SPPL2B: variants seen among roughly 807,000 people sequenced by gnomAD.
The protein encoded by SPPL2B is signal peptide peptidase-like 2B.
SPPL2B carries 39 observed loss-of-function variants against 59.7 expected under a neutral mutation model. The ratio of observed to expected loss-of-function variants is 0.65; its 90% CI spans 0.51 to 0.85. The LOEUF is 0.85. SPPL2B is among the 40% of genes least tolerant of loss of function. The pLI is 0.00. For missense variants in SPPL2B, 865 were observed against 849.0 expected (o/e 1.02, Z -0.23); for synonymous variants, 419 against 370.8 (o/e 1.13, Z -1.49).
At chr19:2,344,141 G>T in intron 10 of SPPL2B, 102 bp downstream of exon 10, 6 of 445,234 alleles carry the variant, frequency 1.3e-5, no homozygotes, top group South Asian at 1.1e-4. Context: ...CCCTCGTCCC[G>T]CCCCCTCGTC....
chr19:2,352,414 C>T (rs891924155), intron 14 of SPPL2B, among the ~76,000 whole-genome samples: 11 of 152,324 alleles, frequency 7.2e-5, no homozygotes, highest in East Asian at 3.9e-4. Context: ...CGGTGCTGGC[C>T]GCGCATGGGG....
intron 14 of SPPL2B, among the ~76,000 whole-genome samples, chr19:2,352,680 C>A (rs888625015): frequency 6.6e-6 from 1 of 152,038 alleles, no homozygotes; most frequent in African/African-American, 2.4e-5. Context: ...AGACGGTAGT[C>A]CAGGCTTTTC....
Position 2,345,311 on chromosome 19 carries a change from C to T in SPPL2B, c.1335C>T (p.Tyr445=). The T allele has an allele frequency of 6.2e-7, 1 of 1,613,194 alleles. No homozygotes were observed. The highest frequency in any genetic ancestry group is 8.5e-7 in the Non-Finnish European group (1 of 1,179,748). ...TCCAGGTACAGTCCTCCAGGGTATA[C>T]TTCGTGGCCTGCACCATCGGTAAGT... The part of the protein sequence containing the change: ...FDIQVQSSRV[Y]FVACTIAYGV... Residue 445 remains tyrosine, a synonymous_variant, in exon 13 of 15, where the codon TAC becomes TAT. Transcript: ENST00000613503.
chr19:2,353,369 C>T lies in SPPL2B; in HGVS notation c.*160C>T, dbSNP rs937988544. The T allele has an allele frequency of 3.0e-5, 28 of 926,986 alleles. No individual in the cohort carries two copies. The highest frequency in any genetic ancestry group is 4.4e-5 in the Non-Finnish European group (28 of 640,022). The allele number at this position is 926,986 out of a possible 1,614,324, so 57.4% of individuals were successfully genotyped here. ...GTGCTCATCCTTGCCGAGACCCCTG[C>T]GGTCTGTGCCCGCGCCCAGCCCAGC... is the stretch of plus-strand genomic sequence containing the variant. On this transcript the variant is annotated 3_prime_UTR_variant, in exon 15 of 15. Coordinates refer to ENST00000613503, the MANE Select transcript of SPPL2B (RefSeq NM_152988.3).
intron 1 of SPPL2B, among the ~76,000 whole-genome samples, chr19:2,329,071 G>A (rs1436847004): frequency 6.6e-6 from 1 of 152,202 alleles, no homozygotes; most frequent in Non-Finnish European, 1.5e-5. Context: ...TCTCCGTTTC[G>A]GGGTCTCCAG....
intron 8 of SPPL2B, chr19:2,341,541 G>A (rs139751839): frequency 6.4e-5 from 29 of 449,962 alleles, no homozygotes; most frequent in South Asian, 2.3e-4. Flanking sequence ...CCATGAGGCC[G>A]AGTGCCTGGT....
intron 14 of SPPL2B, 49 bp from the exon 15 acceptor site, chr19:2,352,897 T>C (rs1378191048): frequency 6.2e-7 from 1 of 1,602,790 alleles, no homozygotes; most frequent in African/African-American, 1.3e-5. Flanking sequence ...GCCAGGGTCC[T>C]CCTCTGGGTC....
Position 2,343,262 on chromosome 19 carries a change from G to A in SPPL2B, c.1008G>A (p.Met336Ile). 1 of 1,555,888 alleles carries A rather than the reference G, an allele frequency of 6.4e-7. No homozygotes were observed. ...DALGIAFCLY[M>I]LKTIRLPTFK... ...TGGGCATCGCCTTCTGCCTCTACAT[G>A]CTGAAGACCATCCGTCTGCCCACCT... Residue 336 changes from methionine to isoleucine, a missense_variant, in exon 9 of 15, where the codon ATG (methionine) becomes ATA (isoleucine). Transcript: ENST00000613503.
At chr19:2,339,016 C>T (rs1968836889) in intron 4 of SPPL2B, 53 bp from the exon 5 acceptor site, 1 of 1,531,910 alleles carries the variant, frequency 6.5e-7, no homozygotes, top group East Asian at 2.5e-5. Flanking sequence ...GCACGTCGAC[C>T]CATGGCTGGC....
intron 8 of SPPL2B, chr19:2,341,573 T>G: frequency 2.2e-6 from 1 of 455,636 alleles, no homozygotes; most frequent in Non-Finnish European, 4.4e-6. Flanking sequence ...AGGACAGAGC[T>G]GGCCCGTCCC....
chr19:2,349,559 TTC>T (rs757536045), intron 13 of SPPL2B, among the ~76,000 whole-genome samples: 3 of 1,680 alleles, frequency 1.8e-3, no homozygotes, highest in South Asian at 0.062. Flanking sequence ...CCTGATTCCG[TTC>T]TCTCTCTCCA....
In SPPL2B at chr19:2,328,741, G is replaced by A; in HGVS notation, c.32G>A (p.Arg11Gln). The change falls in exon 1 of 15, where the codon CGG becomes CAG. Residue 11 changes from arginine (R) to glutamine (Q), a missense_variant. Coordinates refer to ENST00000613503, the MANE Select transcript of SPPL2B (RefSeq NM_152988.3). ...GCAGCGGTGGCGGCTGCGCTGGCGC[G>A]GCTTTTGGCGGCCTTTCTGCTCCTC... MAAAVAAALA[R>Q]LLAAFLLLAA... 1 of 1,462,346 alleles carries A rather than the reference G, an allele frequency of 6.8e-7. No individual in the cohort carries two copies. The highest frequency in any genetic ancestry group is 9.0e-7 in the Non-Finnish European group (1 of 1,115,530). The allele number at this position is 1,462,346 out of a possible 1,614,324, so 90.6% of individuals were successfully genotyped here. A position where few individuals can be genotyped will look rare whatever the true frequency, so the allele number is the denominator to read the frequency against.
intron 13 of SPPL2B, among the ~76,000 whole-genome samples, chr19:2,348,835 T>G: frequency 7.5e-6 from 1 of 134,212 alleles, no homozygotes; most frequent in Non-Finnish European, 1.5e-5. Flanking sequence ...CTTGATTCCA[T>G]TCTCTCCCTC....
chr19:2,337,310 G>A (rs986887587), intron 2 of SPPL2B, 133 bp from the exon 3 acceptor site: 1 of 819,968 alleles, frequency 1.2e-6, no homozygotes, highest in Admixed American at 3.0e-5. Context: ...TGCCTAGGTG[G>A]GCCGAGGCCG....
chr19:2,328,810 C>T, intron 1 of SPPL2B, 35 bp downstream of exon 1: 1 of 1,346,726 alleles, frequency 7.4e-7, no homozygotes, highest in Non-Finnish European at 9.5e-7. Flanking sequence ...GCACCGCGGG[C>T]TGCGGCCCTT....
intron 2 of SPPL2B, 66 bp from the exon 3 acceptor site, chr19:2,337,377 A>C: frequency 6.9e-7 from 1 of 1,444,512 alleles, no homozygotes; most frequent in Non-Finnish European, 9.4e-7. Context: ...AGGTGGGAGA[A>C]CGGGCAGCTG....
In SPPL2B at chr19:2,353,223, C is replaced by T. The variant is rs754003113; in HGVS notation, c.*14C>T. On this transcript the variant is annotated 3_prime_UTR_variant, in exon 15 of 15. Transcript: ENST00000613503. Reference sequence around the variant, plus strand: ...GCCTCGGCCTAGGGGAGGGGTGAGACGCTCGCTGCCGTGCCCGCCACACCA... The same window carrying T: ...GCCTCGGCCTAGGGGAGGGGTGAGATGCTCGCTGCCGTGCCCGCCACACCA... The T allele has an allele frequency of 1.2e-4, 181 of 1,563,692 alleles. No individual in the cohort carries two copies. The Middle Eastern group carries it at 3.5e-3, about 30-fold the overall frequency.
chr19:2,344,260 G>C, intron 10 of SPPL2B, 102 bp from the exon 11 acceptor site: 3 of 430,020 alleles, frequency 7.0e-6, no homozygotes, highest in South Asian at 4.9e-5. Flanking sequence ...CCTGCCCCTT[G>C]CACCCCCCCA....
chr19:2,347,556 T>C lies in SPPL2B; in HGVS notation c.1354+2226T>C, dbSNP rs57884070. On this transcript the variant is annotated intron_variant, in intron 13 of 14. Transcript: ENST00000613503. ...CACACACTCACGCGCTCTCATTCGC[T>C]TGATGCCGTTCTCTCTCCACACACA... 1.1e-3 allele frequency among the ~76,000 whole-genome samples: 4 copies of C among 3,670 alleles called. 1 individual carries two copies. The highest frequency in any genetic ancestry group is 4.8e-3 in the African/African-American group (1 of 210). The allele number at this position is 3,670 out of a possible 152,430, so 2.4% of individuals were successfully genotyped here. A position where few individuals can be genotyped will look rare whatever the true frequency, so the allele number is the denominator to read the frequency against.
Sources: allele counts gnomAD v4.1 joint callset (sites outside exome capture counted in the v4.1 genomes callset), GRCh38; gene constraint gnomAD v4.1.1; transcripts MANE v1.5; gene names NCBI Gene and HGNC (gene_info 2026-07-23, HGNC 2026-07-21).